Variants in PTPRT observed in about 807,000 individuals in gnomAD.
PTPRT encodes the protein protein tyrosine phosphatase receptor type T.
Under a neutral mutation model 176.8 loss-of-function variants are expected in PTPRT, and 56 were observed. The ratio of observed to expected loss-of-function variants is 0.32; its 90% CI spans 0.26 to 0.40. The LOEUF is 0.40. PTPRT is among the 10% of genes least tolerant of loss of function. The pLI, the probability that PTPRT is intolerant of heterozygous loss-of-function variation, is 1.00. For missense variants in PTPRT, 1,540 were observed against 1,908.2 expected (o/e 0.81, Z 3.60); for synonymous variants, 783 against 739.0 (o/e 1.06, Z -0.96).
At chr20:43,096,415 T>C (rs527625679) in intron 1 of PTPRT, among the ~76,000 whole-genome samples, 9 of 152,248 alleles carry the variant, frequency 5.9e-5, no homozygotes, top group South Asian at 2.1e-4. Flanking sequence ...AGTGAGAGCA[T>C]AGAAACATCC....
chr20:42,154,007 T>G (rs1302738452), intron 17 of PTPRT, among the ~76,000 whole-genome samples: 1 of 152,202 alleles, frequency 6.6e-6, no homozygotes, highest in Non-Finnish European at 1.5e-5. Flanking sequence ...CCTATTGTCT[T>G]TTTTCAATCT....
At chr20:42,661,319 G>A (rs954830683) in intron 7 of PTPRT, among the ~76,000 whole-genome samples, 1 of 152,140 alleles carries the variant, frequency 6.6e-6, no homozygotes, top group Non-Finnish European at 1.5e-5. Context: ...AGTGACCAAT[G>A]AGACTAAAGG....
intron 6 of PTPRT, among the ~76,000 whole-genome samples, chr20:42,705,167 T>C (rs1418569142): frequency 6.6e-6 from 1 of 152,090 alleles, no homozygotes; most frequent in African/African-American, 2.4e-5. Context: ...ATTGCACTAC[T>C]GCACCCCAGC....
chr20:43,051,083 G>A (rs1684724365), intron 1 of PTPRT, among the ~76,000 whole-genome samples: 2 of 152,190 alleles, frequency 1.3e-5, no homozygotes, highest in Non-Finnish European at 2.9e-5. Flanking sequence ...AGAAAGCAAA[G>A]TATAATAGAA....
intron 17 of PTPRT, 94 bp from the exon 18 acceptor site, chr20:42,142,096 A>G: frequency 2.0e-6 from 2 of 993,766 alleles, no homozygotes; most frequent in Non-Finnish European, 3.2e-6. Flanking sequence ...ACCCACTGCG[A>G]TGGGACTCCT....
chr20:43,075,016 C>T (rs2011238892), intron 1 of PTPRT, among the ~76,000 whole-genome samples: 1 of 152,182 alleles, frequency 6.6e-6, no homozygotes, highest in African/African-American at 2.4e-5. Flanking sequence ...GCTCATTCCC[C>T]GGACAGAGCC....
intron 1 of PTPRT, among the ~76,000 whole-genome samples, chr20:43,045,002 C>T (rs1986776837): frequency 6.6e-6 from 1 of 152,194 alleles, no homozygotes; most frequent in African/African-American, 2.4e-5. Flanking sequence ...CTAATTAAGC[C>T]TTAAAATGTC....
intron 4 of PTPRT, among the ~76,000 whole-genome samples, chr20:42,778,211 C>T (rs1204120297): frequency 6.6e-6 from 1 of 152,138 alleles, no homozygotes; most frequent in Non-Finnish European, 1.5e-5. Flanking sequence ...GAGCCCTCTC[C>T]CATGGAGATT....
intron 2 of PTPRT, among the ~76,000 whole-genome samples, chr20:42,829,312 C>G (rs1408394661): frequency 6.6e-6 from 1 of 152,312 alleles, no homozygotes; most frequent in African/African-American, 2.4e-5. Flanking sequence ...TGGGAAGTAA[C>G]TAATTTACTT....
intron 29 of PTPRT, among the ~76,000 whole-genome samples, chr20:42,082,988 T>C (rs1600462915): frequency 6.6e-6 from 1 of 151,690 alleles, no homozygotes; most frequent in East Asian, 1.9e-4. Flanking sequence ...CATTTCAAGG[T>C]CTGTTATGGT....
intron 7 of PTPRT, among the ~76,000 whole-genome samples, chr20:42,641,185 T>C (rs954350683): frequency 1.3e-5 from 2 of 152,166 alleles, no homozygotes; most frequent in Non-Finnish European, 2.9e-5. Flanking sequence ...TTCTCCAGCA[T>C]TGATTGCTGG....
At chr20:42,523,997 T>TA (rs574454521) in intron 7 of PTPRT, among the ~76,000 whole-genome samples, 3,784 of 149,310 alleles carry the variant, frequency 0.025, 91 homozygotes, top group South Asian at 0.1. Context: ...ACCCTATCTC[T>TA]AAAAAAAAAA....
At chr20:43,173,112 G>A (rs1321051964) in intron 1 of PTPRT, among the ~76,000 whole-genome samples, 2 of 152,066 alleles carry the variant, frequency 1.3e-5, no homozygotes, top group South Asian at 4.2e-4. Flanking sequence ...GACCTCAGGT[G>A]ATCCGCCGGA....
intron 7 of PTPRT, among the ~76,000 whole-genome samples, chr20:42,495,787 T>C (rs1308510705): frequency 6.6e-6 from 1 of 152,142 alleles, no homozygotes; most frequent in Non-Finnish European, 1.5e-5. Context: ...CCATGTTTCC[T>C]TTTCATATAT....
intron 7 of PTPRT, among the ~76,000 whole-genome samples, chr20:42,549,372 C>A (rs963085844): frequency 5.9e-5 from 9 of 151,868 alleles, no homozygotes; most frequent in African/African-American, 1.9e-4. Context: ...CTCAGATTAA[C>A]AAAGTAAATT....
At chr20:42,375,416 A>G (rs1200107357) in intron 9 of PTPRT, among the ~76,000 whole-genome samples, 1 of 152,188 alleles carries the variant, frequency 6.6e-6, no homozygotes, top group Non-Finnish European at 1.5e-5. Context: ...TGATTAAACC[A>G]GGATGGTTTT....
chr20:43,042,821 G>T (rs2146215815), intron 1 of PTPRT, among the ~76,000 whole-genome samples: 1 of 150,002 alleles, frequency 6.7e-6, no homozygotes, highest in South Asian at 2.1e-4. Context: ...AATGGTTTAT[G>T]CCACTCTCTC....
chr20:43,032,491 AC>A (rs1449762827), intron 1 of PTPRT, among the ~76,000 whole-genome samples: 10 of 144,698 alleles, frequency 6.9e-5, no homozygotes, highest in African/African-American at 1.6e-4. Context: ...AAAAAAAAAA[AC>A]AGTGGCAAAT....
chr20:42,750,221 G>C (rs1210824866), intron 6 of PTPRT, among the ~76,000 whole-genome samples: 1 of 151,680 alleles, frequency 6.6e-6, no homozygotes, highest in African/African-American at 2.4e-5. Flanking sequence ...AATGTCTTTG[G>C]GAAACATTCC....
Sources: gnomAD v4.1 joint callset for allele counts (sites outside exome capture counted in the v4.1 genomes callset) on GRCh38, gnomAD v4.1.1 for gene constraint, MANE v1.5 for transcripts, NCBI Gene and HGNC (gene_info 2026-07-23, HGNC 2026-07-21) for gene names.